TMEM163: variants seen among roughly 807,000 people sequenced by gnomAD.
TMEM163 encodes transmembrane protein 163.
Under a neutral mutation model 29.3 loss-of-function variants are expected in TMEM163, and 17 were observed. That is an observed-to-expected ratio of 0.58 (90% CI 0.40 to 0.87). TMEM163 has a LOEUF of 0.87. Ranked by LOEUF, TMEM163 falls within the 40% of genes least tolerant of loss-of-function variation. The pLI is 0.00. For missense variants in TMEM163, 303 were observed against 381.5 expected (o/e 0.79, Z 1.71); for synonymous variants, 157 against 160.6 (o/e 0.98, Z 0.17).
rs903133751 is a variant in TMEM163 at position 134,460,112 on chromosome 2, C to T, written c.668-1939G>A. Among the ~76,000 whole-genome samples, 3 of 132,390 alleles carry T rather than the reference C, an allele frequency of 2.3e-5. No homozygotes were observed. Among genetic ancestry groups the T allele is most frequent in the Non-Finnish European group, 4.7e-5 (3 of 64,478 alleles). The allele number at this position is 132,390 out of a possible 152,430, so 86.9% of individuals were successfully genotyped here. On this transcript the variant is annotated intron_variant, in intron 6 of 7. Coordinates refer to ENST00000281924, the MANE Select transcript of TMEM163 (RefSeq NM_030923.5). This position sits in a 1 kb window ranked among gnomAD's most constrained non-coding sequence, Gnocchi z 4.3. Reference sequence around the variant, plus strand: ...ATTCATTCTCACTCTCCCCGCTGATCCCTGCTCTGTCCTGGCCACCTGTGG... The same window carrying T: ...ATTCATTCTCACTCTCCCCGCTGATTCCTGCTCTGTCCTGGCCACCTGTGG...
chr2:134,574,907 G>A (rs969113939), intron 2 of TMEM163, among the ~76,000 whole-genome samples: 1 of 152,144 alleles, frequency 6.6e-6, no homozygotes, highest in African/African-American at 2.4e-5. Flanking sequence ...TTGGCATGGG[G>A]TTCCATCTAC....
intron 2 of TMEM163, among the ~76,000 whole-genome samples, chr2:134,568,965 T>C (rs966918605): frequency 1.3e-5 from 2 of 152,186 alleles, no homozygotes; most frequent in Non-Finnish European, 2.9e-5. Flanking sequence ...AGACACTCCA[T>C]GAAATCACTA....
chr2:134,503,614 A>G (rs1350862919), intron 4 of TMEM163, among the ~76,000 whole-genome samples: 1 of 152,220 alleles, frequency 6.6e-6, no homozygotes, highest in Non-Finnish European at 1.5e-5. Flanking sequence ...GATGAAAAGG[A>G]GAAATGATTT....
intron 4 of TMEM163, among the ~76,000 whole-genome samples, chr2:134,543,347 A>T (rs1267510399): frequency 6.6e-6 from 1 of 152,220 alleles, no homozygotes; most frequent in Non-Finnish European, 1.5e-5. Context: ...CTCATCAGCC[A>T]TCGAGGGCAT....
At chr2:134,631,031 A>C (rs1682955712) in intron 2 of TMEM163, among the ~76,000 whole-genome samples, 1 of 152,178 alleles carries the variant, frequency 6.6e-6, no homozygotes, top group Non-Finnish European at 1.5e-5. Context: ...AAATTGGTTT[A>C]AAAAGGGAAA....
intron 4 of TMEM163, among the ~76,000 whole-genome samples, chr2:134,514,962 A>C (rs923646196): frequency 1.3e-5 from 2 of 152,244 alleles, no homozygotes; most frequent in Non-Finnish European, 2.9e-5. Context: ...CTTGGCTTAC[A>C]TGGAAATGAT....
intron 2 of TMEM163, among the ~76,000 whole-genome samples, chr2:134,584,869 C>T (rs1681778720): frequency 6.6e-6 from 1 of 152,078 alleles, no homozygotes. Context: ...ACATGAGGCT[C>T]ACCAAAGGCA....
At chr2:134,553,336 T>C (rs1018332489) in intron 2 of TMEM163, among the ~76,000 whole-genome samples, 3 of 152,156 alleles carry the variant, frequency 2.0e-5, no homozygotes, top group Admixed American at 6.5e-5. Context: ...CCCACACAAC[T>C]GTGTTGTGCC....
intron 2 of TMEM163, among the ~76,000 whole-genome samples, chr2:134,600,669 T>C (rs999080624): frequency 6.6e-6 from 1 of 152,190 alleles, no homozygotes; most frequent in African/African-American, 2.4e-5. Context: ...AAAAAGCACC[T>C]GTGAATAATG....
rs150211429 is a variant in TMEM163, at chr2:134,514,383, C to CT, written c.459-11387dup. Among the ~76,000 whole-genome samples, 686 of 125,544 alleles carry CT rather than the reference C, an allele frequency of 5.5e-3. 6 individuals carry two copies. Among genetic ancestry groups the CT allele is most frequent in the African/African-American group, 0.015 (474 of 32,388 alleles). The allele number at this position is 125,544 out of a possible 152,430, so 82.4% of individuals were successfully genotyped here. A position where few individuals can be genotyped will look rare whatever the true frequency, so the allele number is the denominator to read the frequency against. On this transcript the variant is annotated intron_variant, in intron 4 of 7. Coordinates refer to ENST00000281924, the MANE Select transcript of TMEM163 (RefSeq NM_030923.5). ...AAAATACACTAACGATACTGATGAT[C>CT]TTTTTTTTTTTTTTTTTTTTTTTTA...
At chr2:134,614,501 T>C (rs949917184) in intron 2 of TMEM163, among the ~76,000 whole-genome samples, 2 of 152,192 alleles carry the variant, frequency 1.3e-5, no homozygotes, top group African/African-American at 4.8e-5. Context: ...CAAGAATTCT[T>C]AGACTTGAGA....
intron 2 of TMEM163, among the ~76,000 whole-genome samples, chr2:134,558,649 T>C (rs1009707766): frequency 2.6e-5 from 4 of 152,054 alleles, no homozygotes; most frequent in African/African-American, 9.7e-5. Flanking sequence ...CACAAAGAGG[T>C]AAGGATGCCA....
At chr2:134,673,852 C>T (rs1467569413) in intron 2 of TMEM163, among the ~76,000 whole-genome samples, 1 of 152,210 alleles carries the variant, frequency 6.6e-6, no homozygotes, top group Non-Finnish European at 1.5e-5. Flanking sequence ...TTCTGTCCTT[C>T]AGAACTGTCA....
chr2:134,528,371 T>G (rs1408958531), intron 4 of TMEM163, among the ~76,000 whole-genome samples: 1 of 152,200 alleles, frequency 6.6e-6, no homozygotes, highest in East Asian at 1.9e-4. Context: ...CAGGAATAAA[T>G]CTAACTGGCC....
At chr2:134,541,347 CA>C in intron 4 of TMEM163, among the ~76,000 whole-genome samples, 1 of 152,188 alleles carries the variant, frequency 6.6e-6, no homozygotes, top group South Asian at 2.1e-4. Flanking sequence ...TTAGTGCTGG[CA>C]AAGGAGAATA....
intron 2 of TMEM163, among the ~76,000 whole-genome samples, chr2:134,619,556 GA>G (rs1043220450): frequency 2.0e-5 from 3 of 152,030 alleles, no homozygotes; most frequent in Non-Finnish European, 4.4e-5. Context: ...AATTCATGGG[GA>G]AAAAAAGAAA....
intron 5 of TMEM163, among the ~76,000 whole-genome samples, chr2:134,497,029 T>C (rs1281364183): frequency 6.6e-6 from 1 of 152,074 alleles, no homozygotes; most frequent in Non-Finnish European, 1.5e-5. Flanking sequence ...TCGCATGGAG[T>C]GTCTGCTTAC....
chr2:134,523,483 G>T (rs1211654922), intron 4 of TMEM163, among the ~76,000 whole-genome samples: 7 of 152,140 alleles, frequency 4.6e-5, no homozygotes, highest in Non-Finnish European at 7.4e-5. Flanking sequence ...TGCTTAAAAA[G>T]CTATTACTGA....
chr2:134,705,454 A>G (rs569774400), intron 2 of TMEM163, among the ~76,000 whole-genome samples: 3 of 152,248 alleles, frequency 2.0e-5, no homozygotes, highest in Admixed American at 6.5e-5. Flanking sequence ...GAGAGGCCTC[A>G]GAAGAAAACC....
Sources: gnomAD v4.1 joint callset for allele counts (sites outside exome capture counted in the v4.1 genomes callset) on GRCh38, gnomAD v4.1.1 for gene constraint, Gnocchi (gnomAD v3.1) non-coding constraint, MANE v1.5 for transcripts, NCBI Gene and HGNC (gene_info 2026-07-23, HGNC 2026-07-21) for gene names.